Variants in HIVEP3 observed in about 807,000 individuals in gnomAD.
HIVEP3 encodes HIVEP zinc finger 3, also known as transcription factor HIVEP3.
Under a neutral mutation model 152.8 loss-of-function variants are expected in HIVEP3, and 49 were observed. That is an observed-to-expected ratio of 0.32 (90% CI 0.26 to 0.41). HIVEP3 has a LOEUF of 0.41. HIVEP3 is among the 10% of genes least tolerant of loss of function. The probability of loss-of-function intolerance (pLI) is 1.00; values close to 1 mark genes in which losing one functional copy is unlikely to be tolerated. For synonymous variants in HIVEP3, 1,269 were observed against 1,289.0 expected (o/e 0.98, Z 0.33); for missense variants, 2,790 against 3,103.3 (o/e 0.90, Z 2.40).
At chr1:42,025,803 C>A (rs1645578482) in intron 1 of HIVEP3, among the ~76,000 whole-genome samples, 4 of 152,202 alleles carry the variant, frequency 2.6e-5, no homozygotes, top group Admixed American at 1.3e-4. Context: ...GGCATGGTAG[C>A]TCACACCTGT....
Position 41,533,920 on chromosome 1 carries a change from A to C in HIVEP3, c.5208-9010T>G, listed in dbSNP as rs912023407. On this transcript the variant is annotated intron_variant, in intron 5 of 8. Transcript: ENST00000372583. The surrounding 1 kb of genome is among the most constrained non-coding windows in gnomAD (Gnocchi z 4.3). ...CAGCCTTCCAAGTCCCTCTACCTGCAGTGTCTGCTCCTGGGTCCCCGTTCT... is the reference window on the plus strand; with the variant it reads ...CAGCCTTCCAAGTCCCTCTACCTGCCGTGTCTGCTCCTGGGTCCCCGTTCT... 1.4e-5 allele frequency among the ~76,000 whole-genome samples: 1 copy of C among 70,618 alleles called. No individual in the cohort carries two copies. Among genetic ancestry groups the C allele is most frequent in the South Asian group, 7.0e-4 (1 of 1,432 alleles). 46.3% of individuals were successfully genotyped at this position (70,618 alleles called of 152,430 possible).
At chr1:41,799,663 T>C (rs1306937202) in intron 1 of HIVEP3, among the ~76,000 whole-genome samples, 1 of 152,142 alleles carries the variant, frequency 6.6e-6, no homozygotes, top group Non-Finnish European at 1.5e-5. Context: ...ACATTTCCTC[T>C]TTTTTTAAAA....
At chr1:41,984,024 T>G (rs1645308713) in intron 1 of HIVEP3, among the ~76,000 whole-genome samples, 2 of 152,130 alleles carry the variant, frequency 1.3e-5, no homozygotes, top group African/African-American at 2.4e-5. Context: ...TAGGCTGGAG[T>G]GCAATGGCAC....
intron 1 of HIVEP3, among the ~76,000 whole-genome samples, chr1:41,782,159 C>T (rs1178274759): frequency 6.6e-6 from 1 of 152,228 alleles, no homozygotes; most frequent in African/African-American, 2.4e-5. Flanking sequence ...TGTGCTACAA[C>T]ATGTGTGAAT....
chr1:41,985,958 C>G (rs766250605), intron 1 of HIVEP3, among the ~76,000 whole-genome samples: 3 of 152,130 alleles, frequency 2.0e-5, no homozygotes, highest in Non-Finnish European at 4.4e-5. Context: ...AAAGATCCAC[C>G]CATGTTAAAC....
intron 3 of HIVEP3, among the ~76,000 whole-genome samples, chr1:41,628,139 A>G (rs1645143961): frequency 6.6e-6 from 1 of 152,196 alleles, no homozygotes. Flanking sequence ...GGCTCATTTG[A>G]TCACTATTTC....
intron 1 of HIVEP3, among the ~76,000 whole-genome samples, chr1:41,750,919 G>C (rs1361180855): frequency 2.0e-5 from 3 of 152,086 alleles, no homozygotes; most frequent in Non-Finnish European, 4.4e-5. Flanking sequence ...TCACCATGTT[G>C]GTCAGGCTGG....
At chr1:41,553,235 C>T (rs574645375) in intron 5 of HIVEP3, among the ~76,000 whole-genome samples, 27 of 152,264 alleles carry the variant, frequency 1.8e-4, no homozygotes, top group Middle Eastern at 3.4e-3. Context: ...TTGAATTGAT[C>T]CCTTTACCAT....
At chr1:41,703,785 G>T (rs560101003) in intron 1 of HIVEP3, among the ~76,000 whole-genome samples, 1 of 152,294 alleles carries the variant, frequency 6.6e-6, no homozygotes, top group African/African-American at 2.4e-5. Flanking sequence ...AAATATCTAT[G>T]CTTAAGTATT....
intron 1 of HIVEP3, among the ~76,000 whole-genome samples, chr1:42,034,196 C>T (rs1645628580): frequency 6.6e-6 from 1 of 152,182 alleles, no homozygotes; most frequent in African/African-American, 2.4e-5. Context: ...GAACTGTAAT[C>T]ATTACTACAG....
At chr1:41,905,464 C>T (rs1644695446) in intron 1 of HIVEP3, among the ~76,000 whole-genome samples, 1 of 152,134 alleles carries the variant, frequency 6.6e-6, no homozygotes, top group South Asian at 2.1e-4. Flanking sequence ...CATTCCAGAC[C>T]CTGATACTAC....
At chr1:41,616,582 T>TG (rs1482603716) in intron 3 of HIVEP3, among the ~76,000 whole-genome samples, 4 of 151,018 alleles carry the variant, frequency 2.6e-5, no homozygotes, top group Non-Finnish European at 5.9e-5. Flanking sequence ...TTTTTTTTTT[T>TG]TTCAAACAGG....
At chr1:41,633,414 T>G (rs1025113554) in intron 2 of HIVEP3, among the ~76,000 whole-genome samples, 1 of 152,130 alleles carries the variant, frequency 6.6e-6, no homozygotes, top group Non-Finnish European at 1.5e-5. Flanking sequence ...CAGGGCGGGC[T>G]GGAGTGGGGT....
At chr1:42,010,503 T>C (rs1645487006) in intron 1 of HIVEP3, among the ~76,000 whole-genome samples, 2 of 152,210 alleles carry the variant, frequency 1.3e-5, no homozygotes, top group Non-Finnish European at 2.9e-5. Context: ...CTTTGGTACA[T>C]GCAGGTAGGG....
rs1381487942 is a variant in HIVEP3, at chr1:41,508,949, C to T, written c.*1502G>A. 2.0e-5 allele frequency: 3 copies of T among 152,254 alleles called. No homozygotes were observed. The highest frequency in any genetic ancestry group is 4.4e-5 in the Non-Finnish European group (3 of 68,054). 9.4% of individuals were successfully genotyped at this position (152,254 alleles called of 1,614,324 possible). ...AGTTCTGAAACACTGGGAAAAAGCT[C>T]ACCTCTCCCAGTTGGGGCGAACACG... On this transcript the variant is annotated 3_prime_UTR_variant, in exon 9 of 9. Transcript: ENST00000372583.
chr1:41,854,044 T>C (rs1643682251), intron 1 of HIVEP3, among the ~76,000 whole-genome samples: 1 of 152,228 alleles, frequency 6.6e-6, no homozygotes, highest in African/African-American at 2.4e-5. Flanking sequence ...TTACTAAGTG[T>C]GTTCACTCAC....
chr1:41,630,599 C>G (rs1183948008), intron 2 of HIVEP3, among the ~76,000 whole-genome samples: 3 of 151,988 alleles, frequency 2.0e-5, no homozygotes, highest in African/African-American at 7.3e-5. Flanking sequence ...GGCTGATGAC[C>G]AGCAAAAAAC....
intron 1 of HIVEP3, among the ~76,000 whole-genome samples, chr1:41,881,554 C>G (rs1211347243): frequency 1.3e-5 from 2 of 152,144 alleles, no homozygotes; most frequent in East Asian, 3.9e-4. Flanking sequence ...AAAAAAATTG[C>G]CAAAATGTTC....
intron 5 of HIVEP3, among the ~76,000 whole-genome samples, chr1:41,537,746 TCTC>T (rs1643434345): frequency 6.6e-6 from 1 of 152,312 alleles, no homozygotes; most frequent in Middle Eastern, 3.4e-3. Flanking sequence ...CACCCCAGAT[TCTC>T]CTTTTGTTGG....
Sources: allele counts gnomAD v4.1 joint callset (sites outside exome capture counted in the v4.1 genomes callset), GRCh38; gene constraint gnomAD v4.1.1; non-coding constraint Gnocchi (gnomAD v3.1); transcripts MANE v1.5; gene names NCBI Gene and HGNC (gene_info 2026-07-23, HGNC 2026-07-21).